MAN1A1: variants seen among roughly 807,000 people sequenced by gnomAD.
The protein encoded by MAN1A1 is mannosyl-oligosaccharide 1,2-alpha-mannosidase IA.
In MAN1A1, 29 loss-of-function variants were observed where a neutral mutation model predicts 70.8. The observed-to-expected ratio is 0.41, with a 90% CI of 0.31 to 0.56. The LOEUF (loss-of-function observed/expected upper bound fraction) is 0.56, where lower values mean the gene tolerates loss of function less well. Ranked by LOEUF, MAN1A1 falls within the 20% of genes least tolerant of loss-of-function variation. The pLI is 0.29. For missense variants in MAN1A1, 747 were observed against 841.3 expected (o/e 0.89, Z 1.39); for synonymous variants, 349 against 330.1 (o/e 1.06, Z -0.62).
At chr6:119,232,255 C>A (rs1774701302) in intron 6 of MAN1A1, among the ~76,000 whole-genome samples, 1 of 151,720 alleles carries the variant, frequency 6.6e-6, no homozygotes, top group Admixed American at 6.6e-5. Flanking sequence ...CACCTGTAGT[C>A]CCAGCTACTC....
chr6:119,180,511 G>A (rs1295937518), intron 11 of MAN1A1, 84 bp from the exon 12 acceptor site: 20 of 752,688 alleles, frequency 2.7e-5, no homozygotes, highest in Non-Finnish European at 3.6e-5. Flanking sequence ...GTCAAGTTCA[G>A]ATAAAACATT....
intron 4 of MAN1A1, among the ~76,000 whole-genome samples, chr6:119,294,111 C>A (rs1265745199): frequency 6.6e-6 from 1 of 151,922 alleles, no homozygotes; most frequent in African/African-American, 2.4e-5. Context: ...TCTTCTTTGG[C>A]CCATATGAGG....
At chr6:119,216,313 A>G (rs1774200998) in intron 6 of MAN1A1, among the ~76,000 whole-genome samples, 1 of 152,176 alleles carries the variant, frequency 6.6e-6, no homozygotes, top group African/African-American at 2.4e-5. Context: ...ATGATTGTAT[A>G]GGCAAAAGGC....
At chr6:119,244,546 A>AT (rs994803102) in intron 6 of MAN1A1, among the ~76,000 whole-genome samples, 12 of 151,640 alleles carry the variant, frequency 7.9e-5, no homozygotes, top group East Asian at 1.9e-4. Flanking sequence ...GACAATTAAA[A>AT]TTTTTTTTTC....
At chr6:119,253,326 A>G (rs1348132551) in intron 5 of MAN1A1, among the ~76,000 whole-genome samples, 1 of 152,204 alleles carries the variant, frequency 6.6e-6, no homozygotes, top group Non-Finnish European at 1.5e-5. Flanking sequence ...CAGCAAATAG[A>G]TAAGATGCAC....
In MAN1A1 at chr6:119,277,990, A is replaced by AAATAAAT. The variant is rs60916225; in HGVS notation, c.897+12692_897+12693insATTTATT. The stretch of plus-strand genomic sequence containing the variant: ...ATAAATAAATAAATAAATAAATAAA[A>AAATAAAT]AAAAAGTAATTAGCCAGGCATGGTG... On this transcript the variant is annotated intron_variant, in intron 5 of 12. Transcript: ENST00000368468. Among the ~76,000 whole-genome samples, 504 of 112,344 alleles carry AAATAAAT rather than the reference A, an allele frequency of 4.5e-3. 1 individual carries two copies. The highest frequency in any genetic ancestry group is 0.017 in the East Asian group (65 of 3,926). 73.7% of individuals were successfully genotyped at this position (112,344 alleles called of 152,430 possible).
intron 5 of MAN1A1, among the ~76,000 whole-genome samples, chr6:119,257,058 TA>T (rs1775479009): frequency 6.6e-6 from 1 of 152,150 alleles, no homozygotes; most frequent in South Asian, 2.1e-4. Flanking sequence ...GAGTTAGGTC[TA>T]GGGGGAGAGG....
chr6:119,222,944 T>C (rs1774405111), intron 6 of MAN1A1, among the ~76,000 whole-genome samples: 1 of 152,144 alleles, frequency 6.6e-6, no homozygotes, highest in Non-Finnish European at 1.5e-5. Context: ...AAATTTGTTG[T>C]ACTGATGGTT....
chr6:119,248,393 A>C (rs1363606631), intron 5 of MAN1A1, 39 bp from the exon 6 acceptor site: 4 of 1,070,306 alleles, frequency 3.7e-6, no homozygotes, highest in Non-Finnish European at 5.8e-6. Context: ...TACTGTTGCA[A>C]GCAAAACAAG....
chr6:119,303,932 C>G (rs1379458902), intron 3 of MAN1A1, among the ~76,000 whole-genome samples: 1 of 152,190 alleles, frequency 6.6e-6, no homozygotes, highest in African/African-American at 2.4e-5. Context: ...AGTCATTTTC[C>G]TTTCACTGAA....
At chr6:119,193,630 G>A (rs775445927) in intron 9 of MAN1A1, 147 bp downstream of exon 9, 8 of 500,566 alleles carry the variant, frequency 1.6e-5, no homozygotes, top group South Asian at 3.5e-5. Context: ...CCATTATTAC[G>A]ATGATATTAG....
At chr6:119,307,409 C>T (rs957859859) in intron 2 of MAN1A1, among the ~76,000 whole-genome samples, 3 of 152,106 alleles carry the variant, frequency 2.0e-5, no homozygotes, top group Non-Finnish European at 4.4e-5. Flanking sequence ...ACTTTGTTGG[C>T]CTCACAGCAT....
chr6:119,278,510 A>G (rs1373312992), intron 5 of MAN1A1, among the ~76,000 whole-genome samples: 1 of 152,186 alleles, frequency 6.6e-6, no homozygotes, highest in African/African-American at 2.4e-5. Flanking sequence ...GAAAGTGTTT[A>G]TATTTTAGCA....
chr6:119,254,273 C>T (rs1775403824), intron 5 of MAN1A1, among the ~76,000 whole-genome samples: 1 of 152,166 alleles, frequency 6.6e-6, no homozygotes, highest in South Asian at 2.1e-4. Flanking sequence ...GGAGAGAGCC[C>T]CGGACCCAGG....
At chr6:119,278,118 C>G (rs1328376753) in intron 5 of MAN1A1, among the ~76,000 whole-genome samples, 2 of 151,084 alleles carry the variant, frequency 1.3e-5, no homozygotes, top group Non-Finnish European at 2.9e-5. Flanking sequence ...TGTGCTCCAG[C>G]CTGAGTGACA....
intron 2 of MAN1A1, among the ~76,000 whole-genome samples, chr6:119,336,250 C>T (rs768974500): frequency 6.6e-6 from 1 of 151,950 alleles, no homozygotes; most frequent in Non-Finnish European, 1.5e-5. Context: ...TTGTATTTTT[C>T]GTAGAGACAG....
At chr6:119,350,557 A>G, upstream of MAN1A1, 1 of 985,402 alleles carries the variant, frequency 1.0e-6, no homozygotes, top group Non-Finnish European at 1.2e-6. Context: ...TTTCCATTCG[A>G]AGACGAGTTT....
intron 2 of MAN1A1, among the ~76,000 whole-genome samples, chr6:119,320,594 T>C (rs1772978610): frequency 6.6e-6 from 1 of 151,662 alleles, no homozygotes; most frequent in Non-Finnish European, 1.5e-5. Context: ...TTTTAAAGAC[T>C]GATGTGGGCT....
chr6:119,223,241 T>A (rs1306571607), intron 6 of MAN1A1, among the ~76,000 whole-genome samples: 1 of 152,186 alleles, frequency 6.6e-6, no homozygotes, highest in African/African-American at 2.4e-5. Flanking sequence ...CATTCTACTA[T>A]TTTGGTTATA....
Sources: gnomAD v4.1 joint callset for allele counts (sites outside exome capture counted in the v4.1 genomes callset) on GRCh38, gnomAD v4.1.1 for gene constraint, MANE v1.5 for transcripts, NCBI Gene and HGNC (gene_info 2026-07-23, HGNC 2026-07-21) for gene names.